Variants in TTC28 observed in about 807,000 individuals in gnomAD.
TTC28 encodes the protein tetratricopeptide repeat protein 28.
Under a neutral mutation model 198.0 loss-of-function variants are expected in TTC28, and 61 were observed. The ratio of observed to expected loss-of-function variants is 0.31; its 90% CI spans 0.25 to 0.38. The LOEUF (loss-of-function observed/expected upper bound fraction) is 0.38, where lower values mean the gene tolerates loss of function less well. Among genes scored for constraint, TTC28 ranks in the 10% least tolerant of loss-of-function variants. The pLI is 1.00. For missense variants in TTC28, 2,678 were observed against 3,164.0 expected (o/e 0.85, Z 3.69); for synonymous variants, 1,171 against 1,297.8 (o/e 0.90, Z 2.10).
intron 21 of TTC28, among the ~76,000 whole-genome samples, chr22:27,988,280 G>A (rs1252987051): frequency 8.2e-6 from 1 of 121,588 alleles, no homozygotes; most frequent in East Asian, 2.3e-4. Flanking sequence ...GAAGAAGCTT[G>A]CTTTTTTTTT....
At chr22:28,301,467 A>G (rs1228402156) in intron 3 of TTC28, among the ~76,000 whole-genome samples, 1 of 152,248 alleles carries the variant, frequency 6.6e-6, no homozygotes, top group Non-Finnish European at 1.5e-5. Flanking sequence ...GAACAAAATC[A>G]TATTTCCTAA....
chr22:28,061,767 A>G (rs1014930223), intron 12 of TTC28, among the ~76,000 whole-genome samples: 4 of 152,220 alleles, frequency 2.6e-5, no homozygotes, highest in African/African-American at 9.6e-5. Flanking sequence ...AGTCATTGGT[A>G]GCTTGATGGG....
At chr22:28,454,357 T>C (rs982199618) in intron 2 of TTC28, among the ~76,000 whole-genome samples, 5 of 152,224 alleles carry the variant, frequency 3.3e-5, no homozygotes, top group South Asian at 4.1e-4. Flanking sequence ...CAAATAAATA[T>C]AATGTTGGTT....
At chr22:28,309,046 C>A (rs2145816123) in intron 2 of TTC28, among the ~76,000 whole-genome samples, 1 of 152,214 alleles carries the variant, frequency 6.6e-6, no homozygotes, top group African/African-American at 2.4e-5. Context: ...AGAGAGATGT[C>A]ACTATGGAGT....
At chr22:28,106,432 A>G (rs1291614395) in intron 7 of TTC28, among the ~76,000 whole-genome samples, 1 of 152,190 alleles carries the variant, frequency 6.6e-6, no homozygotes, top group South Asian at 2.1e-4. Context: ...GGGCACATGA[A>G]TTAGTTCCCC....
intron 2 of TTC28, among the ~76,000 whole-genome samples, chr22:28,604,617 G>C (rs867295088): frequency 1.3e-5 from 2 of 151,034 alleles, no homozygotes; most frequent in African/African-American, 4.9e-5. Context: ...GGTGGTGGGA[G>C]CCTGTAATCC....
chr22:28,470,361 T>G (rs773186076), intron 2 of TTC28, among the ~76,000 whole-genome samples: 12 of 152,186 alleles, frequency 7.9e-5, no homozygotes, highest in Admixed American at 2.0e-4. Flanking sequence ...GAGATACCAG[T>G]GTTTCATGAC....
chr22:28,631,993 C>T (rs1280978175), intron 1 of TTC28, among the ~76,000 whole-genome samples: 1 of 152,054 alleles, frequency 6.6e-6, no homozygotes, highest in Non-Finnish European at 1.5e-5. Context: ...AAGATCAAGT[C>T]CAGTACCTCC....
At chr22:28,009,625 C>T (rs559962238) in intron 14 of TTC28, among the ~76,000 whole-genome samples, 12 of 152,064 alleles carry the variant, frequency 7.9e-5, no homozygotes, top group African/African-American at 2.4e-4. Flanking sequence ...CCCGAGATGA[C>T]GGGGTCACTG....
chr22:28,613,883 C>T (rs1471259982), intron 2 of TTC28, among the ~76,000 whole-genome samples: 1 of 152,160 alleles, frequency 6.6e-6, no homozygotes, highest in Admixed American at 6.5e-5. Flanking sequence ...AAAACCGGCA[C>T]AAGACAAGGA....
intron 2 of TTC28, among the ~76,000 whole-genome samples, chr22:28,405,588 G>A (rs2046987217): frequency 6.6e-6 from 1 of 152,190 alleles, no homozygotes; most frequent in South Asian, 2.1e-4. Flanking sequence ...TCAGACAAGA[G>A]GCTAACAATT....
intron 5 of TTC28, among the ~76,000 whole-genome samples, chr22:28,242,913 A>G (rs1220029244): frequency 2.0e-5 from 3 of 151,902 alleles, no homozygotes; most frequent in African/African-American, 7.3e-5. Flanking sequence ...AGTATGTAGA[A>G]TGGTGCTGAT....
At chr22:28,618,994 C>T (rs2050947582) in intron 2 of TTC28, among the ~76,000 whole-genome samples, 1 of 151,984 alleles carries the variant, frequency 6.6e-6, no homozygotes. Flanking sequence ...CCCTCTGCAA[C>T]AGAAATACCT....
chr22:28,279,380 T>C (rs190338295), intron 5 of TTC28, among the ~76,000 whole-genome samples: 1 of 152,240 alleles, frequency 6.6e-6, no homozygotes, highest in African/African-American at 2.4e-5. Flanking sequence ...AGGTTTTGTT[T>C]GTTTTTTTTA....
chr22:28,312,732 A>G (rs2045285694), intron 2 of TTC28, among the ~76,000 whole-genome samples: 1 of 152,228 alleles, frequency 6.6e-6, no homozygotes, highest in Non-Finnish European at 1.5e-5. Flanking sequence ...GGAAATTTAT[A>G]GCACTAAATG....
At chr22:28,192,127 TC>T (rs1924863579) in intron 5 of TTC28, among the ~76,000 whole-genome samples, 4 of 152,158 alleles carry the variant, frequency 2.6e-5, no homozygotes, top group African/African-American at 9.7e-5. Context: ...CATTTGCTGT[TC>T]ACCAATAACC....
At chr22:28,538,716 C>T (rs917203931) in intron 2 of TTC28, among the ~76,000 whole-genome samples, 16 of 151,930 alleles carry the variant, frequency 1.1e-4, no homozygotes, top group African/African-American at 3.4e-4. Context: ...TGCGCCACCA[C>T]GTCCAGCTAA....
intron 2 of TTC28, among the ~76,000 whole-genome samples, chr22:28,485,040 G>T (rs2048299242): frequency 6.6e-6 from 1 of 152,014 alleles, no homozygotes; most frequent in South Asian, 2.1e-4. Flanking sequence ...CATTTTAAAG[G>T]TTACCATCCC....
chr22:28,551,160 A>G (rs1391762966), intron 2 of TTC28, among the ~76,000 whole-genome samples: 1 of 151,926 alleles, frequency 6.6e-6, no homozygotes, highest in Non-Finnish European at 1.5e-5. Context: ...GAAATATACA[A>G]CCCTCCTAGA....
Sources: allele counts gnomAD v4.1 joint callset (sites outside exome capture counted in the v4.1 genomes callset), GRCh38; gene constraint gnomAD v4.1.1; transcripts MANE v1.5; gene names NCBI Gene and HGNC (gene_info 2026-07-23, HGNC 2026-07-21).